NKIRAS1: variants seen among roughly 807,000 people sequenced by gnomAD.
The protein encoded by NKIRAS1 is NF-kappa-B inhibitor-interacting Ras-like protein 1.
Under a neutral mutation model 19.8 loss-of-function variants are expected in NKIRAS1, and 16 were observed. The observed-to-expected ratio is 0.81, with a 90% CI of 0.55 to 1.23. The LOEUF (loss-of-function observed/expected upper bound fraction) is 1.23, where lower values mean the gene tolerates loss of function less well. Ranked by LOEUF, NKIRAS1 falls within the 50% of genes most tolerant of loss-of-function variation. NKIRAS1 has a pLI of 0.00. For synonymous variants in NKIRAS1, 88 were observed against 79.0 expected (o/e 1.11, Z -0.61); for missense variants, 184 against 220.0 (o/e 0.84, Z 1.04).
chr3:23,938,651 T>C (rs919074972), intron 1 of NKIRAS1, among the ~76,000 whole-genome samples: 1 of 152,252 alleles, frequency 6.6e-6, no homozygotes, highest in East Asian at 1.9e-4. Context: ...AGATATGACC[T>C]TGATGCTCCT....
chr3:23,894,627 A>ACCTCTGCATCCTCCC (rs1469939360), intron 4 of NKIRAS1, among the ~76,000 whole-genome samples: 1 of 151,508 alleles, frequency 6.6e-6, no homozygotes, highest in African/African-American at 2.4e-5. Context: ...TGCATCCTCC[A>ACCTCTGCATCCTCCC]CCTCTGCGTC....
chr3:23,919,693 T>C, upstream of NKIRAS1: 2 of 1,387,796 alleles, frequency 1.4e-6, no homozygotes, highest in South Asian at 1.8e-5. Flanking sequence ...TAAGATAAAC[T>C]TTTTTGTCTT....
chr3:23,930,863 C>T (rs1397295592), intron 1 of NKIRAS1, among the ~76,000 whole-genome samples: 3 of 146,902 alleles, frequency 2.0e-5, no homozygotes, highest in African/African-American at 5.2e-5. Flanking sequence ...CCACCATGTC[C>T]GGCTGTTTTT....
intron 2 of NKIRAS1, among the ~76,000 whole-genome samples, 184 bp downstream of exon 2, chr3:23,911,145 G>A (rs1253360262): frequency 6.6e-6 from 1 of 152,040 alleles, no homozygotes; most frequent in Non-Finnish European, 1.5e-5. Context: ...ATCTCACGGA[G>A]ACAATGTAGA....
At position 23,935,266 on chromosome 3, in the gene NKIRAS1, T is replaced by C. The variant is rs550077824; in HGVS notation, c.-140+11057A>G. Among the ~76,000 whole-genome samples, 3 of 151,822 alleles carry C rather than the reference T, an allele frequency of 2.0e-5. No individual in the cohort carries two copies. The East Asian group carries it at 5.8e-4, about 29-fold the overall frequency. On this transcript the variant is annotated intron_variant, in intron 1 of 4. Transcript: ENST00000421515. ...AAACATGGTAAGATTTATTGCCAAC[T>C]CAAAAATAATAAATTAAATCTTAGC... is the stretch of plus-strand genomic sequence containing the variant.
chr3:23,921,574 T>TTG, upstream of NKIRAS1: 1 of 519,480 alleles, frequency 1.9e-6, no homozygotes, highest in Non-Finnish European at 3.5e-6. Context: ...TATTGAGTTT[T>TTG]TTTTTTTTTT....
intron 4 of NKIRAS1, among the ~76,000 whole-genome samples, chr3:23,898,497 C>T (rs1196005030): frequency 6.6e-6 from 1 of 150,830 alleles, no homozygotes; most frequent in Admixed American, 6.6e-5. Context: ...GGCTGGAGTG[C>T]AATGGCATGA....
Position 23,900,931 on chromosome 3 carries a change from C to G in NKIRAS1, c.213G>C (p.Leu71=). 1.9e-6 allele frequency: 3 copies of G among 1,614,174 alleles called. No individual in the cohort carries two copies. Among genetic ancestry groups the G allele is most frequent in the Non-Finnish European group, 2.5e-6 (3 of 1,180,022 alleles). Reference sequence around the variant, plus strand: ...CAGCAAATGAAAAATAATGCTTTGGCAGCTCCACGCCTTCCTGTAGACCTC... The same window carrying G: ...CAGCAAATGAAAAATAATGCTTTGGGAGCTCCACGCCTTCCTGTAGACCTC... ...DTRGLQEGVE[L]PKHYFSFADG... Residue 71 remains leucine, a synonymous_variant, in exon 4 of 5, where the codon CTG becomes CTC. Coordinates refer to ENST00000425478, the MANE Select transcript of NKIRAS1 (RefSeq NM_020345.4).
chr3:23,896,284 A>G (rs1701988831), intron 4 of NKIRAS1, among the ~76,000 whole-genome samples: 1 of 150,742 alleles, frequency 6.6e-6, no homozygotes, highest in African/African-American at 2.4e-5. Flanking sequence ...CTCATCATCA[A>G]TTTTCTCCCA....
chr3:23,914,280 A>T (rs1704072872), intron 1 of NKIRAS1, among the ~76,000 whole-genome samples: 1 of 152,030 alleles, frequency 6.6e-6, no homozygotes, highest in Non-Finnish European at 1.5e-5. Flanking sequence ...CAAAACCGTT[A>T]TTGCTTCTGT....
At chr3:23,921,510 C>A, upstream of NKIRAS1, 1 of 673,160 alleles carries the variant, frequency 1.5e-6, no homozygotes, top group Non-Finnish European at 2.7e-6. Flanking sequence ...ACAAGCTGTT[C>A]CCATTTGCTT....
chr3:23,919,235 A>C, upstream of NKIRAS1: 1 of 1,613,858 alleles, frequency 6.2e-7, no homozygotes, highest in East Asian at 2.2e-5. Context: ...GAGAGTCCTG[A>C]ATTCTTACTG....
chr3:23,921,599 T>C, upstream of NKIRAS1: 2 of 585,600 alleles, frequency 3.4e-6, no homozygotes, highest in East Asian at 3.2e-5. Flanking sequence ...TTTTTCCAGA[T>C]GGAGTCTCAC....
At chr3:23,911,051 A>C in intron 2 of NKIRAS1, 130 bp from the exon 3 acceptor site, 1 of 689,356 alleles carries the variant, frequency 1.5e-6, no homozygotes. Context: ...AAGGAGATAT[A>C]GAATAAGGTA....
chr3:23,890,540 G>C lies in NKIRAS1; in HGVS notation c.*2555C>G. 6.2e-7 allele frequency: 1 copy of C among 1,613,672 alleles called. No homozygotes were observed. The highest frequency in any genetic ancestry group is 8.5e-7 in the Non-Finnish European group (1 of 1,179,830). On this transcript the variant is annotated 3_prime_UTR_variant, in exon 5 of 5. Transcript: ENST00000425478. Reference sequence around the variant, plus strand: ...CCTTGGTGGGAAGTATTGCCACTCAGTATATGACCAACAGAGCAGAACATG... The same window carrying C: ...CCTTGGTGGGAAGTATTGCCACTCACTATATGACCAACAGAGCAGAACATG...
chr3:23,929,589 G>A (rs1167729650), intron 1 of NKIRAS1, among the ~76,000 whole-genome samples: 1 of 149,876 alleles, frequency 6.7e-6, no homozygotes, highest in African/African-American at 2.4e-5. Context: ...ACCAGACCAG[G>A]CTAATTTTTT....
chr3:23,921,576 T>C, upstream of NKIRAS1: 2 of 629,072 alleles, frequency 3.2e-6, no homozygotes, highest in Non-Finnish European at 5.7e-6. Flanking sequence ...TTGAGTTTTT[T>C]TTTTTTTTTT....
chr3:23,900,670 G>GA lies in NKIRAS1; in HGVS notation c.336+137dup, dbSNP rs1702443132. On this transcript the variant is annotated intron_variant, in intron 4 of 4. Transcript: ENST00000425478. Reference sequence around the variant, plus strand: ...AAAAAAAAAAAAAGAAAAAGAAAAAGAAAAGAAAAAAATTGTAAAGGTTTT... The same window carrying GA: ...AAAAAAAAAAAAAGAAAAAGAAAAAGAAAAAGAAAAAAATTGTAAAGGTTTT... 1.5e-5 allele frequency: 8 copies of GA among 522,638 alleles called. No homozygotes were observed. In the East Asian group the frequency reaches 2.0e-4, roughly 13 times the overall value. The allele number at this position is 522,638 out of a possible 1,614,324, so 32.4% of individuals were successfully genotyped here.
chr3:23,919,101 C>G, upstream of NKIRAS1: 1 of 806,120 alleles, frequency 1.2e-6, no homozygotes, highest in Non-Finnish European at 2.1e-6. Context: ...AGACTCTTGT[C>G]TGGTGGTGAA....
Sources: gnomAD v4.1 joint callset for allele counts (sites outside exome capture counted in the v4.1 genomes callset) on GRCh38, gnomAD v4.1.1 for gene constraint, MANE v1.5 for transcripts, NCBI Gene and HGNC (gene_info 2026-07-23, HGNC 2026-07-21) for gene names.